Variants in NWD1 observed in about 807,000 individuals in gnomAD.
The protein encoded by NWD1 is NACHT domain- and WD repeat-containing protein 1.
A neutral mutation model predicts 135.1 loss-of-function variants in NWD1; 129 were observed. The ratio of observed to expected loss-of-function variants is 0.96; its 90% CI spans 0.83 to 1.11. The LOEUF (loss-of-function observed/expected upper bound fraction) is 1.11. Ranked by LOEUF, NWD1 falls within the 50% of genes least tolerant of loss-of-function variation. The pLI is 0.00. For synonymous variants in NWD1, 773 were observed against 786.0 expected (o/e 0.98, Z 0.28); for missense variants, 1,740 against 1,851.3 (o/e 0.94, Z 1.10).
chr19:16,735,962 T>C (rs1238806755), intron 3 of NWD1, among the ~76,000 whole-genome samples: 1 of 80,870 alleles, frequency 1.2e-5, no homozygotes, highest in Admixed American at 1.2e-4. Flanking sequence ...GGACTCCAAC[T>C]CAAAAAAAAA....
intron 15 of NWD1, among the ~76,000 whole-genome samples, chr19:16,797,407 T>C (rs1252716735): frequency 6.7e-6 from 1 of 150,036 alleles, no homozygotes; most frequent in African/African-American, 2.5e-5. Flanking sequence ...CTCAGCTTAC[T>C]GCAGCCTCTG....
chr19:16,809,559 C>CT (rs55774128), intron 18 of NWD1, among the ~76,000 whole-genome samples: 7,458 of 123,254 alleles, frequency 0.061, 251 homozygotes, highest in African/African-American at 0.094. Flanking sequence ...TTTTCTTTTT[C>CT]TTTTTTTTTT....
chr19:16,769,744 G>A (rs949764740), intron 10 of NWD1, among the ~76,000 whole-genome samples: 1 of 152,168 alleles, frequency 6.6e-6, no homozygotes, highest in Non-Finnish European at 1.5e-5. Flanking sequence ...GCCTTGTCTG[G>A]CCACCACTGA....
intron 4 of NWD1, chr19:16,738,313 A>T: frequency 2.5e-6 from 1 of 403,370 alleles, no homozygotes; most frequent in Non-Finnish European, 5.1e-6. Context: ...TCACTCCTGT[A>T]ATCTCTGCAT....
Position 16,750,391 on chromosome 19 carries a change from G to A in NWD1, c.1749G>A (p.Leu583=), listed in dbSNP as rs1968528149. Residue 583 remains leucine (L), a synonymous_variant, in exon 6 of 19, where the codon CTG becomes CTA. Coordinates refer to ENST00000524140, the MANE Select transcript of NWD1 (RefSeq NM_001007525.5). ...THGQLLVAHV[L]GYIVSSRHGL... is the part of the protein sequence containing the mutation. ...GGCAGCTCCTCGTGGCCCACGTGCT[G>A]GGCTACATTGTGTCTTCCCGGTAAG... is the stretch of plus-strand genomic sequence containing the variant. The A allele has an allele frequency of 6.3e-7, 1 of 1,574,856 alleles. No individual in the cohort carries two copies. Among genetic ancestry groups the A allele is most frequent in the South Asian group, 1.1e-5 (1 of 87,646 alleles).
chr19:16,735,530 A>C (rs1403936628), intron 3 of NWD1, among the ~76,000 whole-genome samples: 2 of 151,158 alleles, frequency 1.3e-5, no homozygotes, highest in Admixed American at 6.6e-5. Context: ...AAAAGAAAGA[A>C]AGAAAGAAAG....
At position 16,794,559 on chromosome 19, in the gene NWD1, G is replaced by A. The variant is rs369960762; in HGVS notation, c.3304+6G>A. 1.4e-5 allele frequency: 22 copies of A among 1,581,504 alleles called. No homozygotes were observed. The highest frequency in any genetic ancestry group is 2.3e-5 in the South Asian group (2 of 88,470). ...TGAGTCCCTCCTCGCCGCAGGTAGC[G>A]TTTAGCTCTCATTTGGAGTAGTGAG... On this transcript the variant is annotated splice_donor_region_variant and intron_variant, in intron 15 of 18. Transcript: ENST00000524140.
Position 16,731,235 on chromosome 19 carries a change from T to C in NWD1, c.38T>C (p.Leu13Pro). ...AAGCCCTGCAGAGCACTGCCTACCC[T>C]GAAGTGCCAGACCTTCTGCCAGAGG... ...RGKPCRALPT[L>P]KCQTFCQRHG... Residue 13 changes from leucine to proline, a missense_variant, in exon 3 of 19, where the codon CTG becomes CCG. Physicochemically the swap from Leu to Pro is moderately conservative, Grantham distance 98. Transcript: ENST00000524140. 6.5e-7 allele frequency: 1 copy of C among 1,535,064 alleles called. No homozygotes were observed.
chr19:16,730,544 TC>T (rs1568333333), intron 2 of NWD1, among the ~76,000 whole-genome samples: 1 of 151,474 alleles, frequency 6.6e-6, no homozygotes, highest in Non-Finnish European at 1.5e-5. Context: ...TGAGACTCCT[TC>T]TCTACAAAAA....
chr19:16,799,805 G>T (rs755725829), intron 16 of NWD1, 81 bp from the exon 17 acceptor site: 49 of 1,373,850 alleles, frequency 3.6e-5, no homozygotes, highest in Non-Finnish European at 4.7e-5. Flanking sequence ...ACCGCGCCTG[G>T]CCCAATGGGC....
At chr19:16,723,710 T>TTTG (rs1460865557) in intron 1 of NWD1, among the ~76,000 whole-genome samples, 1 of 149,394 alleles carries the variant, frequency 6.7e-6, no homozygotes, top group Non-Finnish European at 1.5e-5. Flanking sequence ...TTTGTTTTGT[T>TTTG]TTGTTTTGAG....
chr19:16,805,899 C>T (rs1970733514), intron 17 of NWD1, among the ~76,000 whole-genome samples: 1 of 149,652 alleles, frequency 6.7e-6, no homozygotes, highest in Non-Finnish European at 1.5e-5. Context: ...GAGGGAGTTT[C>T]CATCTGTTGC....
At chr19:16,762,707 G>T (rs1471101767) in intron 8 of NWD1, among the ~76,000 whole-genome samples, 1 of 152,076 alleles carries the variant, frequency 6.6e-6, no homozygotes, top group African/African-American at 2.4e-5. Flanking sequence ...TGTCTTCCCT[G>T]CTGGACTGGG....
At chr19:16,808,965 A>G (rs545751829) in intron 18 of NWD1, among the ~76,000 whole-genome samples, 1 of 152,150 alleles carries the variant, frequency 6.6e-6, no homozygotes, top group South Asian at 2.1e-4. Flanking sequence ...TGCACCTGTG[A>G]TCCAGCTACT....
rs576182794 is a variant in NWD1 at position 16,768,489 on chromosome 19, C to T, written c.2410+3297C>T. ...ATTTTGTGTTTAACTTTTTGAGGAA[C>T]GACCACTTCATTTTCCACAAAAGCT... On this transcript the variant is annotated intron_variant, in intron 10 of 18. Transcript: ENST00000524140. Among the ~76,000 whole-genome samples the T allele has an allele frequency of 6.6e-5, 10 of 152,182 alleles. No individual in the cohort carries two copies. The South Asian group carries it at 1.0e-3, about 16-fold the overall frequency.
chr19:16,745,040 C>T, intron 5 of NWD1: 1 of 527,060 alleles, frequency 1.9e-6, no homozygotes, highest in South Asian at 1.5e-5. Context: ...GGGTAATTTA[C>T]AAAGGAAAGA....
In NWD1 at chr19:16,797,567, C is replaced by T. The variant is rs1019704243; in HGVS notation, c.3305-165C>T. Among the ~76,000 whole-genome samples, 17 of 152,170 alleles carry T rather than the reference C, an allele frequency of 1.1e-4. No individual in the cohort carries two copies. In the South Asian group the frequency reaches 1.7e-3, roughly 15 times the overall value. On this transcript the variant is annotated intron_variant, in intron 15 of 18. Transcript: ENST00000524140. ...TTCACCATGTTGGCCAGGCTGATCT[C>T]GAACTCCTGACCTCGAGTGATCTGC...
chr19:16,796,861 A>G (rs1017224625), intron 15 of NWD1, among the ~76,000 whole-genome samples: 5 of 152,104 alleles, frequency 3.3e-5, no homozygotes, highest in African/African-American at 1.2e-4. Flanking sequence ...TTTCATTATA[A>G]TAACTTTACA....
intron 6 of NWD1, among the ~76,000 whole-genome samples, chr19:16,753,791 A>G (rs1968670903): frequency 6.6e-6 from 1 of 151,886 alleles, no homozygotes; most frequent in African/African-American, 2.4e-5. Context: ...CCATTCATCC[A>G]TCCATCAATC....
Sources: allele counts gnomAD v4.1 joint callset (sites outside exome capture counted in the v4.1 genomes callset), GRCh38; gene constraint gnomAD v4.1.1; transcripts MANE v1.5; gene names NCBI Gene and HGNC (gene_info 2026-07-23, HGNC 2026-07-21).